The following ELMO1 variants were observed in gnomAD, a reference collection of about 807,000 sequenced individuals.
The protein encoded by ELMO1 is engulfment and cell motility 1.
In ELMO1, 26 loss-of-function variants were observed where a neutral mutation model predicts 98.9. That is an observed-to-expected ratio of 0.26 (90% CI 0.19 to 0.36). The LOEUF (loss-of-function observed/expected upper bound fraction) is 0.36, where lower values mean the gene tolerates loss of function less well. ELMO1 is among the 10% of genes least tolerant of loss of function. ELMO1 has a pLI of 1.00. For missense variants in ELMO1, 627 were observed against 935.2 expected (o/e 0.67, Z 4.30); for synonymous variants, 346 against 346.0 (o/e 1.00, Z 0.00).
chr7:37,069,586 T>C (rs191051368), intron 15 of ELMO1, among the ~76,000 whole-genome samples: 1 of 152,314 alleles, frequency 6.6e-6, no homozygotes, highest in African/African-American at 2.4e-5. Flanking sequence ...GGTGCTAAAA[T>C]TTCTAAAGTC....
intron 15 of ELMO1, among the ~76,000 whole-genome samples, chr7:37,034,132 C>T (rs1444680923): frequency 6.6e-6 from 1 of 152,096 alleles, no homozygotes; most frequent in African/African-American, 2.4e-5. Context: ...CCCTCAAATT[C>T]CTATGTTGAA....
intron 16 of ELMO1, among the ~76,000 whole-genome samples, chr7:37,000,303 T>A (rs1469751234): frequency 6.6e-6 from 1 of 152,200 alleles, no homozygotes; most frequent in Non-Finnish European, 1.5e-5. Flanking sequence ...AAAATGGAAA[T>A]CTGGCATTAT....
chr7:36,942,206 T>C (rs908516350), intron 16 of ELMO1, among the ~76,000 whole-genome samples: 10 of 152,172 alleles, frequency 6.6e-5, no homozygotes, highest in Admixed American at 6.5e-5. Flanking sequence ...CTTCACAACC[T>C]GGCGGATGTG....
chr7:37,089,614 T>C (rs1783963686), intron 15 of ELMO1, among the ~76,000 whole-genome samples: 1 of 152,190 alleles, frequency 6.6e-6, no homozygotes, highest in South Asian at 2.1e-4. Context: ...CAAACCTCAA[T>C]TTCCATTTTT....
intron 18 of ELMO1, among the ~76,000 whole-genome samples, chr7:36,880,418 A>C (rs554329654): frequency 1.3e-5 from 2 of 152,206 alleles, no homozygotes; most frequent in African/African-American, 4.8e-5. Flanking sequence ...GTATAATACA[A>C]ACACATATTA....
intron 13 of ELMO1, among the ~76,000 whole-genome samples, chr7:37,169,146 G>T (rs371369311): frequency 2.0e-3 from 311 of 152,334 alleles, no homozygotes; most frequent in African/African-American, 6.6e-3. Flanking sequence ...CTCCGAGCCA[G>T]GTGCGGGATA....
intron 15 of ELMO1, among the ~76,000 whole-genome samples, chr7:37,027,895 C>G (rs1227514975): frequency 1.3e-5 from 2 of 151,854 alleles, no homozygotes; most frequent in Admixed American, 6.6e-5. Flanking sequence ...AAACCAGTAA[C>G]AGCTGGCTGG....
At chr7:36,986,993 C>G (rs926590492) in intron 16 of ELMO1, among the ~76,000 whole-genome samples, 4 of 152,144 alleles carry the variant, frequency 2.6e-5, no homozygotes, top group Non-Finnish European at 5.9e-5. Flanking sequence ...GAGAGCTCCG[C>G]AAATAAAAGT....
At chr7:37,281,328 T>G (rs1193743896) in intron 4 of ELMO1, among the ~76,000 whole-genome samples, 1 of 152,030 alleles carries the variant, frequency 6.6e-6, no homozygotes, top group Admixed American at 6.6e-5. Context: ...AAATCACCAC[T>G]AAAGAACTTA....
chr7:37,003,280 C>T (rs964627087), intron 16 of ELMO1, among the ~76,000 whole-genome samples: 7 of 152,106 alleles, frequency 4.6e-5, no homozygotes, highest in Admixed American at 6.5e-5. Flanking sequence ...CCCGGGTACT[C>T]GGGAGGCTGG....
intron 16 of ELMO1, among the ~76,000 whole-genome samples, chr7:36,976,365 T>A (rs1246427918): frequency 6.6e-6 from 1 of 152,232 alleles, no homozygotes; most frequent in Non-Finnish European, 1.5e-5. Context: ...AACACGTACA[T>A]ACACACTGAA....
chr7:37,246,858 A>C (rs560812851), intron 6 of ELMO1, among the ~76,000 whole-genome samples: 1 of 148,780 alleles, frequency 6.7e-6, no homozygotes, highest in Non-Finnish European at 1.5e-5. Flanking sequence ...ATATCTATCT[A>C]TATATATCTC....
At chr7:37,324,741 C>G (rs1257047637) in intron 2 of ELMO1, among the ~76,000 whole-genome samples, 1 of 152,114 alleles carries the variant, frequency 6.6e-6, no homozygotes, top group Non-Finnish European at 1.5e-5. Context: ...ACCACCACAC[C>G]TGGCTGGTTT....
At chr7:37,280,939 A>G (rs59216361) in intron 4 of ELMO1, among the ~76,000 whole-genome samples, 73,952 of 150,910 alleles carry the variant, frequency 0.49, 18,318 homozygotes, top group Middle Eastern at 0.61. Flanking sequence ...TAGCAAAATC[A>G]TGGAACCAAC....
intron 16 of ELMO1, among the ~76,000 whole-genome samples, chr7:37,004,837 G>A (rs367985100): frequency 3.9e-5 from 6 of 152,058 alleles, no homozygotes; most frequent in African/African-American, 9.7e-5. Context: ...TGGGCCGGGC[G>A]CGGTGGCTCA....
chr7:37,196,827 C>A (rs1791989918), intron 13 of ELMO1, among the ~76,000 whole-genome samples: 1 of 152,108 alleles, frequency 6.6e-6, no homozygotes, highest in South Asian at 2.1e-4. Context: ...ACATAATAAT[C>A]CTTGTGTCTT....
At chr7:36,957,280 C>G (rs1788537218) in intron 16 of ELMO1, among the ~76,000 whole-genome samples, 1 of 133,534 alleles carries the variant, frequency 7.5e-6, no homozygotes, top group Admixed American at 6.9e-5. Context: ...AGGATTGAGG[C>G]AAAGCCTTGC....
chr7:37,009,754 C>A (rs1793416051), intron 16 of ELMO1, among the ~76,000 whole-genome samples: 1 of 152,142 alleles, frequency 6.6e-6, no homozygotes, highest in African/African-American at 2.4e-5. Flanking sequence ...GAGATAGTGT[C>A]CAAGAAAGTT....
At chr7:37,097,086 C>T (rs1056688820) in intron 14 of ELMO1, among the ~76,000 whole-genome samples, 2 of 152,234 alleles carry the variant, frequency 1.3e-5, no homozygotes, top group Non-Finnish European at 2.9e-5. Flanking sequence ...GGAATAGTAA[C>T]TCCTTCTGTG....
Sources: allele counts gnomAD v4.1 joint callset (sites outside exome capture counted in the v4.1 genomes callset), GRCh38; gene constraint gnomAD v4.1.1; transcripts MANE v1.5; gene names NCBI Gene and HGNC (gene_info 2026-07-23, HGNC 2026-07-21).